TENM2: variants seen among roughly 807,000 people sequenced by gnomAD.
TENM2 encodes the protein teneurin transmembrane protein 2, also known as teneurin-2.
A neutral mutation model predicts 245.2 loss-of-function variants in TENM2; 52 were observed. That is an observed-to-expected ratio of 0.21 (90% CI 0.17 to 0.27). TENM2 has a LOEUF of 0.27. TENM2 is among the 10% of genes least tolerant of loss of function. The pLI is 1.00. For missense variants in TENM2, 3,046 were observed against 3,666.8 expected (o/e 0.83, Z 4.37); for synonymous variants, 1,363 against 1,438.9 (o/e 0.95, Z 1.19).
intron 1 of TENM2, among the ~76,000 whole-genome samples, chr5:167,368,275 TTGAA>T (rs1416070622): frequency 6.6e-6 from 1 of 152,188 alleles, no homozygotes; most frequent in African/African-American, 2.4e-5. Flanking sequence ...TATTCACTAT[TTGAA>T]TGATGCATAT....
At chr5:167,422,242 T>C (rs558828517) in intron 2 of TENM2, among the ~76,000 whole-genome samples, 16 of 152,240 alleles carry the variant, frequency 1.1e-4, no homozygotes, top group Admixed American at 5.2e-4. Flanking sequence ...GGATGTAACC[T>C]CATATCTTAA....
intron 9 of TENM2, among the ~76,000 whole-genome samples, chr5:168,106,092 G>T (rs547189874): frequency 6.6e-6 from 1 of 152,232 alleles, no homozygotes; most frequent in South Asian, 2.1e-4. Context: ...AGCCGTAGTT[G>T]TTAGGTAATG....
chr5:167,244,194 C>A, the TENM2 span, among the ~76,000 whole-genome samples: 1 of 152,066 alleles, frequency 6.6e-6, no homozygotes, highest in Admixed American at 6.6e-5. Flanking sequence ...CATCAGAGGT[C>A]TTTACATTTA....
At chr5:167,488,525 T>A (rs1223712018) in intron 2 of TENM2, among the ~76,000 whole-genome samples, 3 of 152,188 alleles carry the variant, frequency 2.0e-5, no homozygotes, top group African/African-American at 7.2e-5. Context: ...AGGATGGTTT[T>A]GCTCGTGACT....
At chr5:168,124,564 A>G (rs141777626) in intron 10 of TENM2, among the ~76,000 whole-genome samples, 178 of 152,338 alleles carry the variant, frequency 1.2e-3, no homozygotes, top group African/African-American at 4.2e-3. Context: ...GTGGAGTGGC[A>G]TCCTTCTATA....
chr5:167,923,332 A>C (rs570380314), intron 3 of TENM2, among the ~76,000 whole-genome samples: 10 of 152,202 alleles, frequency 6.6e-5, no homozygotes, highest in Admixed American at 6.5e-4. Context: ...AAGAAAAAAA[A>C]AAAAGCCATG....
chr5:167,429,566 A>T (rs980200140), intron 2 of TENM2, among the ~76,000 whole-genome samples: 3 of 150,080 alleles, frequency 2.0e-5, no homozygotes, highest in African/African-American at 4.9e-5. Flanking sequence ...CGTGGAGGTC[A>T]TCAGGAAGGT....
rs147471067 is a variant in TENM2, at chr5:167,451,718, G to A, written c.502+76245G>A. Among the ~76,000 whole-genome samples, 179 of 151,972 alleles carry A rather than the reference G, an allele frequency of 1.2e-3. 5 individuals carry two copies. In the East Asian group the frequency reaches 0.034, roughly 29 times the overall value. The stretch of plus-strand genomic sequence containing the variant: ...GGCTGGAGTGCAGTGGCGCGACCTG[G>A]GCTCACTGCAAGCTCCGCCTCCCGG... On this transcript the variant is annotated intron_variant, in intron 2 of 28. Transcript: ENST00000518659.
chr5:167,423,359 CT>C (rs2127427626), intron 2 of TENM2, among the ~76,000 whole-genome samples: 1 of 152,222 alleles, frequency 6.6e-6, no homozygotes, highest in African/African-American at 2.4e-5. Flanking sequence ...GTAAAGCCAC[CT>C]TTTGGACTTA....
intron 3 of TENM2, among the ~76,000 whole-genome samples, chr5:167,911,410 C>A (rs1464673262): frequency 2.0e-5 from 3 of 152,136 alleles, no homozygotes; most frequent in African/African-American, 4.8e-5. Context: ...GCCTGTAGTC[C>A]CAGCTACTCG....
At position 168,011,474 on chromosome 5, in the gene TENM2, A is replaced by T. The variant is rs143018006; in HGVS notation, c.1186+18292A>T. Among the ~76,000 whole-genome samples the T allele has an allele frequency of 2.2e-4, 33 of 152,348 alleles. 1 individual carries two copies. In the East Asian group the frequency reaches 5.8e-3, roughly 27 times the overall value. On this transcript the variant is annotated intron_variant, in intron 5 of 28. Transcript: ENST00000518659. ...CAGCCCCTGGTTAAAGAATTATCTG[A>T]TCCAAAATGATAATAGTGCCAAGGT...
exon 27 of TENM2, chr5:168,248,103 G>A (rs1431553878): frequency 6.2e-7 from 1 of 1,613,832 alleles, no homozygotes; most frequent in Non-Finnish European, 8.5e-7. Context: ...TGATCAAACA[G>A]CTGCAGTACA....
At chr5:167,218,759 G>C in the TENM2 span, among the ~76,000 whole-genome samples, 3 of 152,150 alleles carry the variant, frequency 2.0e-5, no homozygotes, top group African/African-American at 4.8e-5. Flanking sequence ...ATAATGAGAA[G>C]TATAATGGTA....
intron 13 of TENM2, among the ~76,000 whole-genome samples, chr5:168,166,540 C>T (rs1758324047): frequency 6.6e-6 from 1 of 152,072 alleles, no homozygotes; most frequent in Non-Finnish European, 1.5e-5. Context: ...TGCAGCAAAA[C>T]CACCTTGATT....
chr5:167,007,468 A>G, the TENM2 span, among the ~76,000 whole-genome samples: 4 of 152,222 alleles, frequency 2.6e-5, no homozygotes, highest in African/African-American at 7.2e-5. This position sits in a 1 kb window ranked among gnomAD's most constrained non-coding sequence, Gnocchi z 4.2. Context: ...CAAAAGTACA[A>G]AAGTATCAAA....
intron 13 of TENM2, chr5:168,165,698 C>T (rs1300903579): frequency 8.0e-6 from 1 of 125,710 alleles, no homozygotes; most frequent in Non-Finnish European, 1.6e-5. Context: ...AAAGGCAGGG[C>T]ACAAAAGCAA....
intron 12 of TENM2, among the ~76,000 whole-genome samples, chr5:168,131,206 C>G (rs1754549360): frequency 6.6e-6 from 1 of 152,218 alleles, no homozygotes. Flanking sequence ...ATAATACAAA[C>G]TAACCCGCAG....
intron 1 of TENM2, among the ~76,000 whole-genome samples, chr5:167,351,027 TATATACATATGGATATATATATATGGGA>T (rs1167751585): frequency 2.8e-5 from 3 of 108,076 alleles, no homozygotes; most frequent in Non-Finnish European, 5.9e-5. Context: ...ATATATGGGA[TATATACATATGGATATATATATATGGGA>T]TATATACATA....
intron 23 of TENM2, among the ~76,000 whole-genome samples, chr5:168,222,835 G>T: frequency 6.6e-6 from 1 of 152,156 alleles, no homozygotes; most frequent in Non-Finnish European, 1.5e-5. Context: ...TCTTCAGCTA[G>T]CATGAGTGCA....
Sources: allele counts gnomAD v4.1 joint callset (sites outside exome capture counted in the v4.1 genomes callset), GRCh38; gene constraint gnomAD v4.1.1; non-coding constraint Gnocchi (gnomAD v3.1); transcripts MANE v1.5; gene names NCBI Gene and HGNC (gene_info 2026-07-23, HGNC 2026-07-21).